Variants in BCL2 observed in about 807,000 individuals in gnomAD.
BCL2 encodes the protein BCL2 apoptosis regulator, also known as apoptosis regulator Bcl-2.
A neutral mutation model predicts 14.2 loss-of-function variants in BCL2; 1 was observed. That is an observed-to-expected ratio of 0.07 (90% CI 0.02 to 0.33). The LOEUF (loss-of-function observed/expected upper bound fraction) is 0.33, where lower values mean the gene tolerates loss of function less well. BCL2 is among the 10% of genes least tolerant of loss of function. The pLI is 0.99. For synonymous variants in BCL2, 151 were observed against 137.2 expected (o/e 1.10, Z -0.70); for missense variants, 247 against 305.9 (o/e 0.81, Z 1.44).
At chr18:63,134,302 G>GA (rs1302812725) in intron 2 of BCL2, among the ~76,000 whole-genome samples, 5 of 152,056 alleles carry the variant, frequency 3.3e-5, no homozygotes, top group Admixed American at 6.5e-5. Context: ...TACTTAATCT[G>GA]AAAAAAATCC....
At chr18:63,276,649 C>G (rs976573449) in intron 2 of BCL2, among the ~76,000 whole-genome samples, 1 of 152,204 alleles carries the variant, frequency 6.6e-6, no homozygotes, top group South Asian at 2.1e-4. Context: ...CACGTATTCA[C>G]CATTTCAGAA....
chr18:63,183,544 G>A (rs4987795), intron 2 of BCL2, among the ~76,000 whole-genome samples: 12,557 of 152,228 alleles, frequency 0.082, 1,281 homozygotes, highest in African/African-American at 0.24. Flanking sequence ...AGCTGTGCCC[G>A]TGGGTACCTC....
intron 2 of BCL2, among the ~76,000 whole-genome samples, chr18:63,298,114 A>G (rs531980245): frequency 6.6e-6 from 1 of 152,288 alleles, no homozygotes. Context: ...TCGGCAGACA[A>G]ATGGAATCTC....
chr18:63,264,609 G>A (rs1911762121), intron 2 of BCL2, among the ~76,000 whole-genome samples: 1 of 152,178 alleles, frequency 6.6e-6, no homozygotes, highest in Non-Finnish European at 1.5e-5. Context: ...TCTTTGAACA[G>A]CTTGCATGAT....
At chr18:63,243,288 T>A (rs1001859261) in intron 2 of BCL2, among the ~76,000 whole-genome samples, 3 of 152,216 alleles carry the variant, frequency 2.0e-5, no homozygotes, top group Non-Finnish European at 2.9e-5. Context: ...TGCATGTTCT[T>A]ACTTATTAGT....
chr18:63,186,598 C>T (rs1050536263), intron 2 of BCL2, among the ~76,000 whole-genome samples: 1 of 152,180 alleles, frequency 6.6e-6, no homozygotes, highest in African/African-American at 2.4e-5. Context: ...AAGTCCAATA[C>T]ATGTATTTTT....
intron 2 of BCL2, among the ~76,000 whole-genome samples, chr18:63,287,793 A>T (rs1306184439): frequency 6.6e-6 from 1 of 152,216 alleles, no homozygotes; most frequent in African/African-American, 2.4e-5. Flanking sequence ...AAAACCAGAG[A>T]TCTAGGGAAG....
At chr18:63,272,398 T>C (rs1421808424) in intron 2 of BCL2, among the ~76,000 whole-genome samples, 1 of 152,234 alleles carries the variant, frequency 6.6e-6, no homozygotes, top group African/African-American at 2.4e-5. Flanking sequence ...GTGTCTTTTA[T>C]TGTTTAACCT....
intron 2 of BCL2, among the ~76,000 whole-genome samples, chr18:63,303,778 C>A (rs916239363): frequency 6.6e-6 from 1 of 152,322 alleles, no homozygotes; most frequent in East Asian, 1.9e-4. Context: ...TTCCTTCCTT[C>A]CTCCTGACTT....
intron 2 of BCL2, among the ~76,000 whole-genome samples, chr18:63,310,610 C>G (rs1054925580): frequency 1.3e-5 from 2 of 152,164 alleles, no homozygotes; most frequent in Non-Finnish European, 2.9e-5. Context: ...TTTCGCTTAA[C>G]TAAAACACCT....
At chr18:63,191,684 A>G (rs1909295248) in intron 2 of BCL2, among the ~76,000 whole-genome samples, 3 of 152,354 alleles carry the variant, frequency 2.0e-5, no homozygotes, top group Admixed American at 2.0e-4. Context: ...GTTCAGGATA[A>G]GCCCTAAAGG....
At position 63,132,861 on chromosome 18, in the gene BCL2, C is replaced by G. The variant is rs191069111; in HGVS notation, c.586-4102G>C. Among the ~76,000 whole-genome samples, 292 of 152,250 alleles carry G rather than the reference C, an allele frequency of 1.9e-3. 1 individual carries two copies. The highest frequency in any genetic ancestry group is 0.014 in the Middle Eastern group (4 of 294). ...AAGCAACAAAGAGGGAAAAAGAAAA[C>G]CTGGGTCGTCATGTGATTCGGACAA... On this transcript the variant is annotated intron_variant, in intron 2 of 2. Transcript: ENST00000333681.
chr18:63,253,951 A>G (rs1186520679), intron 2 of BCL2, among the ~76,000 whole-genome samples: 2 of 149,482 alleles, frequency 1.3e-5, no homozygotes, highest in African/African-American at 4.9e-5. Flanking sequence ...TCTCTTATCG[A>G]GGAGGATTCA....
intron 2 of BCL2, among the ~76,000 whole-genome samples, chr18:63,251,353 C>G (rs1028668037): frequency 6.6e-6 from 1 of 152,104 alleles, no homozygotes; most frequent in African/African-American, 2.4e-5. Flanking sequence ...CCTACAAAGT[C>G]AACCATGACT....
At chr18:63,183,721 C>T (rs946709230) in intron 2 of BCL2, among the ~76,000 whole-genome samples, 4 of 152,128 alleles carry the variant, frequency 2.6e-5, no homozygotes, top group Middle Eastern at 3.2e-3. Context: ...GGGGCGGGGG[C>T]GGGGGGCTTA....
intron 2 of BCL2, among the ~76,000 whole-genome samples, chr18:63,282,713 C>T (rs989132283): frequency 6.6e-6 from 1 of 152,016 alleles, no homozygotes; most frequent in South Asian, 2.1e-4. Context: ...TGTAATTAGA[C>T]AAAGTAAGAT....
intron 2 of BCL2, among the ~76,000 whole-genome samples, chr18:63,244,368 A>C (rs7242501): frequency 6.6e-6 from 1 of 150,590 alleles, no homozygotes; most frequent in Non-Finnish European, 1.5e-5. Flanking sequence ...ACAGAGCAAG[A>C]CTCTGTCTCA....
In BCL2 at chr18:63,209,094, T is replaced by A. The variant is rs550186583; in HGVS notation, c.586-80335A>T. On this transcript the variant is annotated intron_variant, in intron 2 of 2. Coordinates refer to ENST00000333681, the MANE Select transcript of BCL2 (RefSeq NM_000633.3). ...AGTCACCCTGGCAAAAGGCTATAGG[T>A]CCCTTTGGGGAAGGCTGGGAGAAAA... Among the ~76,000 whole-genome samples, 6 of 152,256 alleles carry A rather than the reference T, an allele frequency of 3.9e-5. No individual in the cohort carries two copies. In the South Asian group the frequency reaches 1.2e-3, roughly 32 times the overall value.
chr18:63,168,545 G>T (rs28464692), intron 2 of BCL2, among the ~76,000 whole-genome samples: 3,402 of 152,260 alleles, frequency 0.022, 69 homozygotes, highest in Middle Eastern at 0.065. Flanking sequence ...TGATGACTCT[G>T]CATGGAGAGT....
Sources: allele counts gnomAD v4.1 joint callset (sites outside exome capture counted in the v4.1 genomes callset), GRCh38; gene constraint gnomAD v4.1.1; transcripts MANE v1.5; gene names NCBI Gene and HGNC (gene_info 2026-07-23, HGNC 2026-07-21).